MLLT3: variants seen among roughly 807,000 people sequenced by gnomAD.
The protein encoded by MLLT3 is MLLT3 super elongation complex subunit.
Under a neutral mutation model 53.2 loss-of-function variants are expected in MLLT3, and 4 were observed. That is an observed-to-expected ratio of 0.08 (90% CI 0.04 to 0.17). The LOEUF is 0.17. Ranked by LOEUF, MLLT3 falls within the 10% of genes least tolerant of loss-of-function variation. The pLI is 1.00. For missense variants in MLLT3, 569 were observed against 684.0 expected (o/e 0.83, Z 1.87); for synonymous variants, 283 against 230.6 (o/e 1.23, Z -2.06).
chr9:20,389,592 C>G (rs1822134375), intron 5 of MLLT3, among the ~76,000 whole-genome samples: 2 of 151,790 alleles, frequency 1.3e-5, no homozygotes, highest in Admixed American at 6.6e-5. Flanking sequence ...CTGGGTAACA[C>G]AGTAGAACCC....
Position 20,526,834 on chromosome 9 carries a change from G to A in MLLT3, c.194-70048C>T, listed in dbSNP as rs576635410. On this transcript the variant is annotated intron_variant, in intron 2 of 10. Coordinates refer to ENST00000380338, the MANE Select transcript of MLLT3 (RefSeq NM_004529.4). ...TACTTCATTGTCTTTAGCAATTCTGGTGGTGGTGTAGTGAAATCACCTTGT... is the reference window on the plus strand; with the variant it reads ...TACTTCATTGTCTTTAGCAATTCTGATGGTGGTGTAGTGAAATCACCTTGT... Among the ~76,000 whole-genome samples the A allele has an allele frequency of 1.4e-4, 21 of 152,254 alleles. No individual in the cohort carries two copies. The South Asian group carries it at 4.1e-3, about 30-fold the overall frequency.
chr9:20,532,052 G>T (rs1243286277), intron 2 of MLLT3, among the ~76,000 whole-genome samples: 1 of 152,044 alleles, frequency 6.6e-6, no homozygotes, highest in Admixed American at 6.6e-5. Context: ...TAAAACGATT[G>T]CAAGTTGTTT....
At chr9:20,576,323 A>C (rs1819652638) in intron 2 of MLLT3, among the ~76,000 whole-genome samples, 1 of 152,158 alleles carries the variant, frequency 6.6e-6, no homozygotes, top group South Asian at 2.1e-4. Context: ...TTGCTATCTT[A>C]TCACTCATGT....
intron 2 of MLLT3, among the ~76,000 whole-genome samples, chr9:20,607,542 T>C (rs887166301): frequency 3.3e-5 from 5 of 152,148 alleles, no homozygotes; most frequent in African/African-American, 1.2e-4. Flanking sequence ...GAAGTTGCAA[T>C]TTTATTCAAG....
intron 4 of MLLT3, among the ~76,000 whole-genome samples, chr9:20,432,748 C>T (rs1823306657): frequency 6.6e-6 from 1 of 151,940 alleles, no homozygotes; most frequent in Admixed American, 6.6e-5. Context: ...TCGGCGTAAA[C>T]AAACACACTT....
At chr9:20,541,225 A>G (rs1818621734) in intron 2 of MLLT3, among the ~76,000 whole-genome samples, 2 of 152,200 alleles carry the variant, frequency 1.3e-5, no homozygotes, top group Non-Finnish European at 2.9e-5. Flanking sequence ...TGAGGAACTC[A>G]CAAACTTCAA....
At chr9:20,452,413 C>G (rs1586959425) in intron 3 of MLLT3, among the ~76,000 whole-genome samples, 1 of 152,198 alleles carries the variant, frequency 6.6e-6, no homozygotes, top group East Asian at 1.9e-4. Flanking sequence ...GACGTGTTTG[C>G]TTCCCCTTCT....
intron 2 of MLLT3, among the ~76,000 whole-genome samples, chr9:20,476,494 T>C (rs372269659): frequency 1.4e-4 from 21 of 152,234 alleles, no homozygotes; most frequent in African/African-American, 3.8e-4. Flanking sequence ...ACTTGTAAAA[T>C]ACTGCCAAAA....
intron 3 of MLLT3, among the ~76,000 whole-genome samples, chr9:20,455,636 G>GA (rs984135710): frequency 8.7e-5 from 13 of 149,848 alleles, no homozygotes; most frequent in African/African-American, 2.4e-4. Flanking sequence ...TTCCTTAAAA[G>GA]AAAAAAAAAG....
intron 2 of MLLT3, among the ~76,000 whole-genome samples, chr9:20,567,905 A>C (rs752952491): frequency 2.0e-4 from 31 of 152,052 alleles, no homozygotes; most frequent in Non-Finnish European, 3.5e-4. Context: ...CTTCTCTCTT[A>C]CCCTCCACCC....
At chr9:20,502,614 T>C (rs868008702) in intron 2 of MLLT3, among the ~76,000 whole-genome samples, 18 of 152,230 alleles carry the variant, frequency 1.2e-4, no homozygotes, top group African/African-American at 4.3e-4. Context: ...ACATTTACAA[T>C]GTATTAGTTA....
chr9:20,432,298 CAG>C (rs942528431), intron 4 of MLLT3, among the ~76,000 whole-genome samples: 2 of 152,102 alleles, frequency 1.3e-5, no homozygotes, highest in African/African-American at 4.8e-5. Context: ...TTAAAAGAGA[CAG>C]AGTTTGATTA....
At chr9:20,476,106 A>G (rs753547360) in intron 2 of MLLT3, among the ~76,000 whole-genome samples, 2 of 152,064 alleles carry the variant, frequency 1.3e-5, no homozygotes, top group African/African-American at 2.4e-5. Flanking sequence ...TCTGTCACCC[A>G]GGCTGGAGTG....
intron 2 of MLLT3, among the ~76,000 whole-genome samples, chr9:20,525,935 C>A (rs984901105): frequency 6.6e-6 from 1 of 152,042 alleles, no homozygotes; most frequent in African/African-American, 2.4e-5. Context: ...ACCAAAAAAG[C>A]AATACATTTT....
chr9:20,576,087 C>G (rs1292729529), intron 2 of MLLT3, among the ~76,000 whole-genome samples: 1 of 152,226 alleles, frequency 6.6e-6, no homozygotes, highest in Non-Finnish European at 1.5e-5. Context: ...TCAGCACTTG[C>G]TGCTTCACCT....
intron 2 of MLLT3, among the ~76,000 whole-genome samples, chr9:20,583,434 G>A (rs750058661): frequency 2.0e-5 from 3 of 152,158 alleles, no homozygotes; most frequent in East Asian, 1.9e-4. Context: ...CCACTATGCA[G>A]TGCCCCAGTA....
chr9:20,521,882 A>C (rs1340593256), intron 2 of MLLT3, among the ~76,000 whole-genome samples: 1 of 152,188 alleles, frequency 6.6e-6, no homozygotes, highest in Non-Finnish European at 1.5e-5. Context: ...CTTAGTATTC[A>C]AGGTTAACAG....
At chr9:20,430,501 C>T (rs902097823) in intron 4 of MLLT3, among the ~76,000 whole-genome samples, 2 of 152,022 alleles carry the variant, frequency 1.3e-5, no homozygotes, top group Admixed American at 1.3e-4. Flanking sequence ...CTTGACATGG[C>T]GGATCATTGA....
intron 2 of MLLT3, among the ~76,000 whole-genome samples, chr9:20,608,617 G>A (rs538064122): frequency 6.7e-6 from 1 of 150,352 alleles, no homozygotes; most frequent in East Asian, 2.1e-4. Context: ...AATACTCATA[G>A]TAACATTAAA....
Sources: gnomAD v4.1 joint callset for allele counts (sites outside exome capture counted in the v4.1 genomes callset) on GRCh38, gnomAD v4.1.1 for gene constraint, MANE v1.5 for transcripts, NCBI Gene and HGNC (gene_info 2026-07-23, HGNC 2026-07-21) for gene names.